Variants in IMMP2L observed in about 807,000 individuals in gnomAD.
The protein encoded by IMMP2L is mitochondrial inner membrane protease subunit 2.
A neutral mutation model predicts 19.3 loss-of-function variants in IMMP2L; 18 were observed. That is an observed-to-expected ratio of 0.93 (90% CI 0.64 to 1.38). The LOEUF (loss-of-function observed/expected upper bound fraction) is 1.38, where lower values mean the gene tolerates loss of function less well. IMMP2L is among the 40% of genes most tolerant of loss of function. The pLI, the probability that IMMP2L is intolerant of heterozygous loss-of-function variation, is 0.00. For synonymous variants in IMMP2L, 76 were observed against 73.0 expected, an observed-to-expected ratio of 1.04 and a Z score of -0.21; for missense variants, 233 against 218.2, an observed-to-expected ratio of 1.07 and a Z score of -0.43.
chr7:111,189,093 A>G (rs1355022586), intron 3 of IMMP2L, among the ~76,000 whole-genome samples: 1 of 152,186 alleles, frequency 6.6e-6, no homozygotes, highest in Admixed American at 6.5e-5. Flanking sequence ...AATGGTCTAG[A>G]GGCACCACAG....
intron 3 of IMMP2L, among the ~76,000 whole-genome samples, chr7:111,361,346 T>C (rs1829242841): frequency 6.6e-6 from 1 of 152,144 alleles, no homozygotes; most frequent in African/African-American, 2.4e-5. Context: ...TGTTGCATTT[T>C]GCAAGCATTC....
intron 3 of IMMP2L, among the ~76,000 whole-genome samples, chr7:111,041,636 T>C (rs1791909438): frequency 1.3e-5 from 2 of 151,870 alleles, no homozygotes; most frequent in African/African-American, 4.8e-5. Context: ...TGTTACTAGA[T>C]CCCGGGGCCC....
intron 3 of IMMP2L, among the ~76,000 whole-genome samples, chr7:111,418,517 T>C (rs1258654027): frequency 6.6e-6 from 1 of 151,814 alleles, no homozygotes; most frequent in African/African-American, 2.4e-5. Context: ...TTTTCAGCCT[T>C]CGGTACAAAA....
At chr7:111,550,447 C>T (rs1849344909) in intron 1 of IMMP2L, among the ~76,000 whole-genome samples, 1 of 152,016 alleles carries the variant, frequency 6.6e-6, no homozygotes, top group South Asian at 2.1e-4. Context: ...AAACAATGAA[C>T]TTTGGGGGAT....
intron 3 of IMMP2L, among the ~76,000 whole-genome samples, chr7:111,085,323 C>T (rs1796223973): frequency 6.6e-6 from 1 of 152,198 alleles, no homozygotes; most frequent in South Asian, 2.1e-4. Flanking sequence ...TGTGGAATCA[C>T]TGTCTTCCAA....
intron 3 of IMMP2L, among the ~76,000 whole-genome samples, chr7:111,057,108 G>A (rs890864286): frequency 5.9e-5 from 9 of 151,956 alleles, no homozygotes; most frequent in Non-Finnish European, 7.4e-5. Flanking sequence ...TAAAGGACAC[G>A]ACACTTTGGT....
intron 3 of IMMP2L, among the ~76,000 whole-genome samples, chr7:111,348,607 G>A (rs994118996): frequency 3.3e-5 from 5 of 152,116 alleles, no homozygotes; most frequent in Non-Finnish European, 5.9e-5. Flanking sequence ...ATAGCAAACA[G>A]TTAACATGAG....
chr7:111,118,821 T>C (rs1356390061), intron 3 of IMMP2L, among the ~76,000 whole-genome samples: 7 of 152,128 alleles, frequency 4.6e-5, no homozygotes, highest in Non-Finnish European at 2.9e-5. Context: ...TCCCATACTA[T>C]TGCTTCCTAC....
chr7:110,685,807 A>G (rs931962234), intron 5 of IMMP2L, among the ~76,000 whole-genome samples: 13 of 152,094 alleles, frequency 8.5e-5, no homozygotes, highest in Admixed American at 5.2e-4. Flanking sequence ...GATTAAGGTA[A>G]CATCCCTATG....
intron 5 of IMMP2L, among the ~76,000 whole-genome samples, chr7:110,857,220 T>G (rs1806887656): frequency 1.3e-5 from 2 of 152,134 alleles, no homozygotes; most frequent in South Asian, 4.1e-4. Flanking sequence ...AAACTCAAAA[T>G]TCTTTCTTGG....
intron 3 of IMMP2L, among the ~76,000 whole-genome samples, chr7:111,182,605 C>T (rs538954197): frequency 5.3e-5 from 8 of 150,888 alleles, no homozygotes; most frequent in South Asian, 2.1e-4. Flanking sequence ...AAGTACCCAC[C>T]GAAATTTTTT....
intron 5 of IMMP2L, chr7:110,665,123 C>A (rs1791353818): frequency 1.3e-5 from 2 of 152,168 alleles, no homozygotes; most frequent in South Asian, 2.1e-4. Context: ...TAGCAAGAAG[C>A]CCTTGGGCTC....
rs1801151989 is a variant in IMMP2L, at chr7:111,125,067, T to C, written c.240-161502A>G. 5.6e-6 allele frequency: 3 copies of C among 533,276 alleles called. No homozygotes were observed. The South Asian group carries it at 1.0e-4, about 18-fold the overall frequency. 33.0% of individuals were successfully genotyped at this position (533,276 alleles called of 1,614,324 possible). A position where few individuals can be genotyped will look rare whatever the true frequency, so the allele number is the denominator to read the frequency against. Reference sequence around the variant, plus strand: ...CAATGCTGCTCCTGACCAATGGAAATATGTACAACTTCAGCATTTTAAGTA... The same window carrying C: ...CAATGCTGCTCCTGACCAATGGAAACATGTACAACTTCAGCATTTTAAGTA... On this transcript the variant is annotated intron_variant, in intron 3 of 5. Coordinates refer to ENST00000405709, the MANE Select transcript of IMMP2L (RefSeq NM_032549.4).
At chr7:111,221,650 T>C (rs1296142308) in intron 3 of IMMP2L, among the ~76,000 whole-genome samples, 1 of 151,960 alleles carries the variant, frequency 6.6e-6, no homozygotes, top group Non-Finnish European at 1.5e-5. Context: ...AGTAATTCCA[T>C]GTTCACATGT....
intron 4 of IMMP2L, among the ~76,000 whole-genome samples, chr7:110,957,640 T>C (rs1195925786): frequency 6.6e-6 from 1 of 151,984 alleles, no homozygotes; most frequent in Non-Finnish European, 1.5e-5. Context: ...TTTCCCTCCT[T>C]CAGTAAAGTC....
In IMMP2L at chr7:110,950,858, A is replaced by ATATATATATATATG. The variant is rs1554470745; in HGVS notation, c.305+12628_305+12641dup. On this transcript the variant is annotated intron_variant, in intron 4 of 5. Coordinates refer to ENST00000405709, the MANE Select transcript of IMMP2L (RefSeq NM_032549.4). ...AAATGTGGCATATATATATATATATATATATATATATATGTATATATATGC... is the reference window on the plus strand; with the variant it reads ...AAATGTGGCATATATATATATATATATATATATATATATGTATATATATATATGTATATATATGC... 8.6e-4 allele frequency among the ~76,000 whole-genome samples: 117 copies of ATATATATATATATG among 136,218 alleles called. 1 individual carries two copies. Among genetic ancestry groups the ATATATATATATATG allele is most frequent in the African/African-American group, 3.2e-3 (110 of 34,654 alleles). 89.4% of individuals were successfully genotyped at this position (136,218 alleles called of 152,430 possible).
intron 3 of IMMP2L, among the ~76,000 whole-genome samples, chr7:111,296,063 T>C (rs1379072865): frequency 6.7e-6 from 1 of 149,948 alleles, no homozygotes; most frequent in Non-Finnish European, 1.5e-5. Flanking sequence ...AAGCTTCTAC[T>C]CTTAAAAATA....
intron 3 of IMMP2L, among the ~76,000 whole-genome samples, chr7:111,112,252 C>T (rs1471117830): frequency 6.6e-6 from 1 of 152,072 alleles, no homozygotes; most frequent in African/African-American, 2.4e-5. Flanking sequence ...GCATGAGCCA[C>T]CACTCCTGGC....
At chr7:111,196,117 TC>T (rs1369010951) in intron 3 of IMMP2L, among the ~76,000 whole-genome samples, 3 of 152,058 alleles carry the variant, frequency 2.0e-5, no homozygotes, top group Non-Finnish European at 2.9e-5. Flanking sequence ...CATGCAATCC[TC>T]CCACATTAGC....
Sources: allele counts gnomAD v4.1 joint callset (sites outside exome capture counted in the v4.1 genomes callset), GRCh38; gene constraint gnomAD v4.1.1; transcripts MANE v1.5; gene names NCBI Gene and HGNC (gene_info 2026-07-23, HGNC 2026-07-21).